The following ANO3 variants were observed in gnomAD, a reference collection of about 807,000 sequenced individuals.
ANO3 encodes the protein anoctamin 3, also known as anoctamin-3.
A neutral mutation model predicts 144.8 loss-of-function variants in ANO3; 99 were observed. That is an observed-to-expected ratio of 0.68 (90% CI 0.58 to 0.81). ANO3 has a LOEUF of 0.81. Ranked by LOEUF, ANO3 falls within the 30% of genes least tolerant of loss-of-function variation. ANO3 has a pLI of 0.00. For missense variants in ANO3, 905 were observed against 1,202.2 expected (o/e 0.75, Z 3.66); for synonymous variants, 414 against 392.6 (o/e 1.05, Z -0.64).
chr11:26,426,633 G>A (rs1171509817), intron 1 of ANO3, among the ~76,000 whole-genome samples: 1 of 152,164 alleles, frequency 6.6e-6, no homozygotes, highest in East Asian at 1.9e-4. Flanking sequence ...GAAAAGTCTA[G>A]AATAGCTGTC....
At chr11:26,553,086 G>A (rs1436806182) in intron 12 of ANO3, among the ~76,000 whole-genome samples, 163 bp from the exon 13 acceptor site, 1 of 148,654 alleles carries the variant, frequency 6.7e-6, no homozygotes, top group Non-Finnish European at 1.5e-5. Context: ...TGTTTGAATT[G>A]GAGTCACACC....
intron 10 of ANO3, among the ~76,000 whole-genome samples, chr11:26,541,712 G>C (rs1192064896): frequency 6.6e-6 from 1 of 152,034 alleles, no homozygotes; most frequent in African/African-American, 2.4e-5. Context: ...AGCTAAATGG[G>C]TTCCATTGTA....
rs182993666 is a variant in ANO3, at chr11:26,407,007, G to A, written c.47-34911G>A. ...ATATTTATAGGTGTGTATATATATA[G>A]GTGTGTATATATATATAGGTGTGTG... On this transcript the variant is annotated intron_variant, in intron 1 of 26. Transcript: ENST00000256737. 9.2e-3 allele frequency among the ~76,000 whole-genome samples: 1,160 copies of A among 126,624 alleles called. 13 individuals are homozygous for A. The highest frequency in any genetic ancestry group is 0.031 in the African/African-American group (1,071 of 34,836). The allele number at this position is 126,624 out of a possible 152,430, so 83.1% of individuals were successfully genotyped here.
chr11:26,285,385 A>G (rs1853782173), intron 1 of ANO3, among the ~76,000 whole-genome samples: 1 of 152,200 alleles, frequency 6.6e-6, no homozygotes, highest in South Asian at 2.1e-4. Context: ...ATTAAGATTT[A>G]TAAAATTATT....
chr11:26,626,534 C>T (rs1852590663), intron 18 of ANO3, among the ~76,000 whole-genome samples: 1 of 152,180 alleles, frequency 6.6e-6, no homozygotes, highest in African/African-American at 2.4e-5. Context: ...AGAGCAAGAC[C>T]TTGGCATGAA....
intron 1 of ANO3, among the ~76,000 whole-genome samples, chr11:26,359,876 AGTGTGT>A (rs142194688): frequency 2.7e-5 from 4 of 149,382 alleles, no homozygotes; most frequent in East Asian, 2.0e-4. Context: ...ATGTCAGACT[AGTGTGT>A]GTGTGTGTGT....
intron 3 of ANO3, among the ~76,000 whole-genome samples, chr11:26,444,548 T>A (rs951597862): frequency 1.3e-5 from 2 of 152,188 alleles, no homozygotes; most frequent in African/African-American, 4.8e-5. Context: ...TCAACTCTGG[T>A]TACACATTCA....
upstream of ANO3, among the ~76,000 whole-genome samples, chr11:26,328,920 C>T (rs953428830): frequency 2.0e-5 from 3 of 152,022 alleles, no homozygotes; most frequent in Non-Finnish European, 4.4e-5. Flanking sequence ...TTACTCCAGA[C>T]ATTTTCGCAT....
At chr11:26,278,619 T>C (rs573152371) in intron 1 of ANO3, among the ~76,000 whole-genome samples, 13 of 152,240 alleles carry the variant, frequency 8.5e-5, no homozygotes, top group African/African-American at 3.1e-4. Flanking sequence ...ACCTCAGATG[T>C]ACTAATTTTG....
At chr11:26,646,440 C>T (rs1309807677) in intron 23 of ANO3, among the ~76,000 whole-genome samples, 1 of 152,108 alleles carries the variant, frequency 6.6e-6, no homozygotes, top group East Asian at 1.9e-4. Flanking sequence ...AAAATGTTTG[C>T]ATATTTTAAT....
At chr11:26,629,799 T>C (rs775934819) in intron 18 of ANO3, among the ~76,000 whole-genome samples, 4 of 151,926 alleles carry the variant, frequency 2.6e-5, no homozygotes, top group Non-Finnish European at 5.9e-5. Flanking sequence ...GCCTGGCTAA[T>C]TTTGTATTTT....
chr11:26,398,716 T>C (rs1993746), intron 1 of ANO3, among the ~76,000 whole-genome samples: 81,235 of 151,850 alleles, frequency 0.53, 22,974 homozygotes, highest in East Asian at 0.69. Flanking sequence ...GAGACAGAAC[T>C]TCCTCGTGGA....
At chr11:26,586,455 T>G (rs1851281255) in intron 14 of ANO3, among the ~76,000 whole-genome samples, 1 of 146,854 alleles carries the variant, frequency 6.8e-6, no homozygotes, top group African/African-American at 2.5e-5. Flanking sequence ...TTGATCTTGA[T>G]TGTTCAATAT....
intron 4 of ANO3, among the ~76,000 whole-genome samples, chr11:26,475,789 T>C (rs962633079): frequency 6.6e-6 from 1 of 152,074 alleles, no homozygotes. Flanking sequence ...TTTCTTTCAG[T>C]AAAATGAGAG....
intron 14 of ANO3, among the ~76,000 whole-genome samples, chr11:26,568,351 T>C (rs1351431862): frequency 1.3e-5 from 2 of 151,942 alleles, no homozygotes; most frequent in East Asian, 1.9e-4. Context: ...AGAGATCGGA[T>C]TTGGATTCAA....
At chr11:26,519,932 C>T (rs1334778046) in intron 6 of ANO3, among the ~76,000 whole-genome samples, 1 of 151,860 alleles carries the variant, frequency 6.6e-6, no homozygotes, top group East Asian at 1.9e-4. Flanking sequence ...TGGTGTAATA[C>T]TTATCATATT....
intron 1 of ANO3, among the ~76,000 whole-genome samples, chr11:26,216,189 G>A (rs1415935222): frequency 2.0e-5 from 3 of 151,866 alleles, no homozygotes; most frequent in Non-Finnish European, 2.9e-5. Context: ...GCATATATTA[G>A]GGTTGCCTCT....
chr11:26,565,462 G>A (rs1486640608), intron 14 of ANO3: 2 of 1,613,344 alleles, frequency 1.2e-6, no homozygotes, highest in Admixed American at 3.3e-5. Flanking sequence ...GCTGAGATGG[G>A]CAAAAGATCT....
intron 9 of ANO3, among the ~76,000 whole-genome samples, chr11:26,535,964 T>C (rs1849498630): frequency 6.6e-6 from 1 of 151,902 alleles, no homozygotes; most frequent in South Asian, 2.1e-4. Flanking sequence ...TTCAAAACAG[T>C]TAACTCACAT....
Sources: allele counts gnomAD v4.1 joint callset (sites outside exome capture counted in the v4.1 genomes callset), GRCh38; gene constraint gnomAD v4.1.1; transcripts MANE v1.5; gene names NCBI Gene and HGNC (gene_info 2026-07-23, HGNC 2026-07-21).